The following NOP58 variants were observed in gnomAD, a reference collection of about 807,000 sequenced individuals.
NOP58 encodes the protein nucleolar protein 58.
Under a neutral mutation model 71.2 loss-of-function variants are expected in NOP58, and 44 were observed. That is an observed-to-expected ratio of 0.62 (90% CI 0.49 to 0.79). NOP58 has a LOEUF of 0.79. Among genes scored for constraint, NOP58 ranks in the 30% least tolerant of loss-of-function variants. The pLI, the probability that NOP58 is intolerant of heterozygous loss-of-function variation, is 0.00. For missense variants in NOP58, 538 were observed against 620.2 expected, an observed-to-expected ratio of 0.87 and a Z score of 1.41; for synonymous variants, 228 against 200.3, an observed-to-expected ratio of 1.14 and a Z score of -1.17.
At chr2:202,270,773 A>G (rs1418255508) in intron 1 of NOP58, among the ~76,000 whole-genome samples, 2 of 152,086 alleles carry the variant, frequency 1.3e-5, no homozygotes. Flanking sequence ...AACCACACAA[A>G]GTCTCAAGCA....
chr2:202,268,300 C>G (rs559147022), intron 1 of NOP58, among the ~76,000 whole-genome samples: 1 of 151,954 alleles, frequency 6.6e-6, no homozygotes, highest in Non-Finnish European at 1.5e-5. Context: ...TTTGGGAGGC[C>G]GAGGCCGGCG....
rs756006471 is a variant in NOP58 at position 202,265,948 on chromosome 2, G to A, written c.7G>A (p.Val3Met). 1 of 1,614,222 alleles carries A rather than the reference G, an allele frequency of 6.2e-7. No individual in the cohort carries two copies. The highest frequency in any genetic ancestry group is 8.5e-7 in the Non-Finnish European group (1 of 1,180,034). The part of the protein sequence containing the change: ML[V>M]LFETSVGYAI... Reference sequence around the variant, plus strand: ...GCCCTGACCCGGCCTCACCATGTTGGTGCTGTTTGAAACGTCTGTGGGTTA... The same window carrying A: ...GCCCTGACCCGGCCTCACCATGTTGATGCTGTTTGAAACGTCTGTGGGTTA... Residue 3 changes from valine (V) to methionine (M), a missense_variant, in exon 1 of 15, where the codon GTG becomes ATG. By Grantham distance (21) the Val-to-Met change is conservative. Coordinates refer to ENST00000264279, the MANE Select transcript of NOP58 (RefSeq NM_015934.5).
intron 8 of NOP58, 82 bp downstream of exon 8, chr2:202,291,352 A>G (rs1400819587): frequency 9.5e-7 from 1 of 1,051,808 alleles, no homozygotes; most frequent in Non-Finnish European, 1.4e-6. Context: ...GATGATTTTT[A>G]CACTTATTGT....
chr2:202,293,244 G>C, intron 9 of NOP58: 1 of 400,644 alleles, frequency 2.5e-6, no homozygotes, highest in Admixed American at 3.3e-5. Flanking sequence ...ACCTAGATTT[G>C]AATACAGTTT....
At chr2:202,276,451 A>T in intron 2 of NOP58, 2 of 514,068 alleles carry the variant, frequency 3.9e-6, no homozygotes, top group Admixed American at 2.0e-5. Context: ...TCAATGATGT[A>T]TTCTTCTTGG....
intron 3 of NOP58, among the ~76,000 whole-genome samples, chr2:202,279,783 GAC>G (rs1382208940): frequency 1.3e-5 from 2 of 152,132 alleles, no homozygotes; most frequent in African/African-American, 4.8e-5. Context: ...AACAGAGCGA[GAC>G]TCCTTCTGGA....
In NOP58 at chr2:202,291,225, G is replaced by A; in HGVS notation, c.735G>A (p.Glu245=). 6.2e-7 allele frequency: 1 copy of A among 1,610,590 alleles called. No homozygotes were observed. Among genetic ancestry groups the A allele is most frequent in the Admixed American group, 1.7e-5 (1 of 58,860 alleles). Residue 245 remains glutamate (E), a synonymous_variant, in exon 8 of 15, where the codon GAG becomes GAA. Coordinates refer to ENST00000264279, the MANE Select transcript of NOP58 (RefSeq NM_015934.5). ...CTGCAGAGATATCAATGGGAACAGA[G>A]GTTTCAGAAGAAGATATTTGCAATA... is the stretch of plus-strand genomic sequence containing the variant. ...KAAAEISMGT[E]VSEEDICNIL...
At chr2:202,299,590 T>A (rs1689055745) in intron 12 of NOP58, among the ~76,000 whole-genome samples, 1 of 152,222 alleles carries the variant, frequency 6.6e-6, no homozygotes, top group African/African-American at 2.4e-5. Context: ...GAACATTTTT[T>A]AGCTTGTTTT....
Position 202,295,677 on chromosome 2 carries a change from C to G in NOP58, c.911C>G (p.Ser304Cys). The part of the protein sequence containing the change: ...VGARLIAHAG[S>C]LLNLAKHAAS... ...TTGTAACTTTTTTCTTTTGTAGGTT[C>G]TCTTTTAAATTTGGCCAAGCATGCA... is the stretch of plus-strand genomic sequence containing the variant. Residue 304 changes from serine to cysteine, a missense_variant, in exon 10 of 15, where the codon TCT becomes TGT. Coordinates refer to ENST00000264279, the MANE Select transcript of NOP58 (RefSeq NM_015934.5). The G allele has an allele frequency of 6.4e-7, 1 of 1,564,266 alleles. No homozygotes were observed. Among genetic ancestry groups the G allele is most frequent in the Non-Finnish European group, 8.6e-7 (1 of 1,157,740 alleles).
At chr2:202,293,568 T>C (rs1688941294) in intron 9 of NOP58, among the ~76,000 whole-genome samples, 2 of 152,186 alleles carry the variant, frequency 1.3e-5, no homozygotes, top group Admixed American at 6.5e-5. Context: ...CATCAGAGTG[T>C]TTAAAATGGC....
At chr2:202,282,866 A>T (rs910903268) in intron 4 of NOP58, among the ~76,000 whole-genome samples, 3 of 152,180 alleles carry the variant, frequency 2.0e-5, no homozygotes, top group African/African-American at 7.2e-5. Context: ...ATGAAATAAA[A>T]TGTGAGAGTG....
chr2:202,269,740 CA>C (rs953726175), intron 1 of NOP58, among the ~76,000 whole-genome samples: 2 of 151,074 alleles, frequency 1.3e-5, no homozygotes, highest in Non-Finnish European at 3.0e-5. Flanking sequence ...GACTCCGTCT[CA>C]AAAAAAAGAA....
At chr2:202,272,257 A>G (rs1387603340) in intron 1 of NOP58, among the ~76,000 whole-genome samples, 3 of 144,420 alleles carry the variant, frequency 2.1e-5, no homozygotes, top group African/African-American at 7.7e-5. Context: ...GGTTCACGCC[A>G]TTCTGTTGCC....
rs370953523 is a variant in NOP58 at position 202,299,472 on chromosome 2, C to T, written c.1269-762C>T. 1.4e-4 allele frequency among the ~76,000 whole-genome samples: 21 copies of T among 152,154 alleles called. No homozygotes were observed. In the East Asian group the frequency reaches 3.3e-3, roughly 24 times the overall value. ...ATTCTGCAATATTTATAGTCTATAACTTATTATCTCTAGTTGACAAACATG... is the reference window on the plus strand; with the variant it reads ...ATTCTGCAATATTTATAGTCTATAATTTATTATCTCTAGTTGACAAACATG... On this transcript the variant is annotated intron_variant, in intron 12 of 14. Coordinates refer to ENST00000264279, the MANE Select transcript of NOP58 (RefSeq NM_015934.5).
chr2:202,283,700 A>C (rs928025056), intron 4 of NOP58, among the ~76,000 whole-genome samples: 2 of 152,006 alleles, frequency 1.3e-5, no homozygotes, highest in African/African-American at 4.8e-5. Flanking sequence ...CGGCCTCCCA[A>C]AGTGCTGGGA....
chr2:202,276,621 G>T (rs1254189408), intron 2 of NOP58: 1 of 339,224 alleles, frequency 2.9e-6, no homozygotes, highest in Admixed American at 3.1e-5. Context: ...AGGCGGATCA[G>T]TTGAGCCCAG....
In NOP58 at chr2:202,302,965, T is replaced by C. The variant is rs1689118127; in HGVS notation, c.1447T>C (p.Ser483Pro). 6.2e-7 allele frequency: 1 copy of C among 1,609,080 alleles called. No homozygotes were observed. The highest frequency in any genetic ancestry group is 1.3e-5 in the African/African-American group (1 of 74,942). ...EEKVAEEEET[S>P]VKKKKKRGKK... ...AAAAGTGGCAGAAGAAGAAGAAACA[T>C]CTGTGAAGAAGAAGAAGAAAAGGGG... Residue 483 changes from serine (S) to proline (P), a missense_variant, in exon 14 of 15, where the codon TCT becomes CCT. Ser to Pro is a moderately conservative substitution (Grantham distance 74, BLOSUM62 -1). Transcript: ENST00000264279.
chr2:202,283,260 C>T (rs1271688938), intron 4 of NOP58, among the ~76,000 whole-genome samples: 1 of 152,036 alleles, frequency 6.6e-6, no homozygotes, highest in African/African-American at 2.4e-5. Flanking sequence ...GACAGAGTCT[C>T]ACTCTGTTGC....
chr2:202,265,997 G>A lies in NOP58; in HGVS notation c.45+11G>A, dbSNP rs771540480. On this transcript the variant is annotated intron_variant, in intron 1 of 14. Coordinates refer to ENST00000264279, the MANE Select transcript of NOP58 (RefSeq NM_015934.5). ...TACGCCATCTTTAAGGTAGGTGGGA[G>A]AGCGAGCCGTTAAAGGGGGAAGGCG... 4 of 1,614,070 alleles carry A rather than the reference G, an allele frequency of 2.5e-6. No homozygotes were observed. The highest frequency in any genetic ancestry group is 3.4e-6 in the Non-Finnish European group (4 of 1,179,940).
Sources: gnomAD v4.1 joint callset for allele counts (sites outside exome capture counted in the v4.1 genomes callset) on GRCh38, gnomAD v4.1.1 for gene constraint, MANE v1.5 for transcripts, NCBI Gene and HGNC (gene_info 2026-07-23, HGNC 2026-07-21) for gene names.